Variants in VPS26B observed in about 807,000 individuals in gnomAD.
VPS26B encodes the protein vacuolar protein sorting-associated protein 26B.
In VPS26B, 10 loss-of-function variants were observed where a neutral mutation model predicts 33.3. The observed-to-expected ratio is 0.30, with a 90% CI of 0.19 to 0.51. The LOEUF is 0.51. Among genes scored for constraint, VPS26B ranks in the 20% least tolerant of loss-of-function variants. The probability of loss-of-function intolerance (pLI) is 0.98; values close to 1 mark genes in which losing one functional copy is unlikely to be tolerated. For synonymous variants in VPS26B, 190 were observed against 176.9 expected (o/e 1.07, Z -0.59); for missense variants, 317 against 452.7 (o/e 0.70, Z 2.72).
chr11:134,234,831 C>T (rs1019749260), intron 1 of VPS26B, 66 bp from the exon 2 acceptor site: 8 of 1,570,648 alleles, frequency 5.1e-6, no homozygotes, highest in Middle Eastern at 1.7e-4. Context: ...GCCTCCAGCC[C>T]CCTACTCGGC....
chr11:134,244,915 T>G lies in VPS26B; in HGVS notation c.722-23T>G. On this transcript the variant is annotated intron_variant, in intron 4 of 5. Coordinates refer to ENST00000281187, the MANE Select transcript of VPS26B (RefSeq NM_052875.5). The surrounding 1 kb of genome is among the most constrained non-coding windows in gnomAD (Gnocchi z 4.0). The stretch of plus-strand genomic sequence containing the variant: ...GAGGGCATCACCTTGCCCCCTGTGC[T>G]GACTCCTGCCCTCCCCCTACAGGAG... The G allele has an allele frequency of 3.1e-6, 5 of 1,608,750 alleles. No individual in the cohort carries two copies. The highest frequency in any genetic ancestry group is 4.2e-6 in the Non-Finnish European group (5 of 1,179,288).
intron 3 of VPS26B, among the ~76,000 whole-genome samples, chr11:134,241,906 CCAGAT>C (rs1938731749): frequency 6.6e-6 from 1 of 152,226 alleles, no homozygotes; most frequent in Non-Finnish European, 1.5e-5. Context: ...GGAGCTTGGA[CCAGAT>C]CAGTGGGTTT....
chr11:134,227,632 G>A (rs952706250), intron 1 of VPS26B, among the ~76,000 whole-genome samples: 1 of 152,132 alleles, frequency 6.6e-6, no homozygotes, highest in African/African-American at 2.4e-5. Flanking sequence ...GCTTCCACTA[G>A]TAACTCTTCC....
At chr11:134,239,333 T>C (rs1158612766) in intron 2 of VPS26B, among the ~76,000 whole-genome samples, 4 of 152,186 alleles carry the variant, frequency 2.6e-5, no homozygotes, top group Non-Finnish European at 5.9e-5. Flanking sequence ...TGTGTTCCCA[T>C]TTCTCTATTT....
intron 1 of VPS26B, among the ~76,000 whole-genome samples, chr11:134,225,886 C>T (rs1426753999): frequency 6.6e-6 from 1 of 152,166 alleles, no homozygotes; most frequent in Non-Finnish European, 1.5e-5. Context: ...CTTACCTCAC[C>T]TCAGCCCTGA....
intron 2 of VPS26B, chr11:134,235,791 C>G (rs1011618843): frequency 6.6e-6 from 1 of 152,026 alleles, no homozygotes; most frequent in African/African-American, 2.4e-5. Context: ...AGACTGATGC[C>G]AAGGTCTTTT....
At chr11:134,233,210 G>T (rs753943346) in intron 1 of VPS26B, among the ~76,000 whole-genome samples, 2 of 152,180 alleles carry the variant, frequency 1.3e-5, no homozygotes, top group Non-Finnish European at 2.9e-5. Context: ...TACAGAAGTG[G>T]CATCACTAGT....
intron 2 of VPS26B, 30 bp downstream of exon 2, chr11:134,235,083 AC>A (rs1164063187): frequency 6.2e-7 from 1 of 1,600,084 alleles, no homozygotes; most frequent in Non-Finnish European, 8.5e-7. Flanking sequence ...TCCCCACTGT[AC>A]CCTAGAACCT....
Position 134,240,200 on chromosome 11 carries a change from G to T in VPS26B, c.545+45G>T, listed in dbSNP as rs949950126. On this transcript the variant is annotated intron_variant, in intron 3 of 5. Coordinates refer to ENST00000281187, the MANE Select transcript of VPS26B (RefSeq NM_052875.5). The surrounding 1 kb of genome is among the most constrained non-coding windows in gnomAD (Gnocchi z 4.4). Reference sequence around the variant, plus strand: ...GGTTGTGAAATGATTATTTAAGGAGGTTAAGATGGGACTTGATGCAGATGC... The same window carrying T: ...GGTTGTGAAATGATTATTTAAGGAGTTTAAGATGGGACTTGATGCAGATGC... The T allele has an allele frequency of 6.2e-6, 10 of 1,601,262 alleles. No homozygotes were observed. In the African/African-American group the frequency reaches 9.4e-5, roughly 15 times the overall value.
Position 134,245,202 on chromosome 11 carries a change from A to G in VPS26B, c.864+122A>G. ...GGAACATTAGGTCGCCCACAATTGC[A>G]CAACAAGAATGAGGATTCTCACCTG... On this transcript the variant is annotated intron_variant, in intron 5 of 5. Coordinates refer to ENST00000281187, the MANE Select transcript of VPS26B (RefSeq NM_052875.5). The surrounding 1 kb of genome is among the most constrained non-coding windows in gnomAD (Gnocchi z 4.7). The G allele has an allele frequency of 7.1e-7, 1 of 1,409,878 alleles. No individual in the cohort carries two copies. The allele number at this position is 1,409,878 out of a possible 1,614,324, so 87.3% of individuals were successfully genotyped here.
At chr11:134,225,841 T>G (rs1216739180) in intron 1 of VPS26B, among the ~76,000 whole-genome samples, 1 of 152,144 alleles carries the variant, frequency 6.6e-6, no homozygotes, top group African/African-American at 2.4e-5. Flanking sequence ...CGTTTTTCTC[T>G]TTAGATGTGG....
chr11:134,225,737 A>C (rs776368706), intron 1 of VPS26B, among the ~76,000 whole-genome samples: 5 of 152,152 alleles, frequency 3.3e-5, no homozygotes, highest in Non-Finnish European at 7.4e-5. Flanking sequence ...CCGCTCTGCC[A>C]ATACTGGCTT....
Position 134,234,887 on chromosome 11 carries a change from C to T in VPS26B, c.224-10C>T. Reference sequence around the variant, plus strand: ...ATAAAGGAGGGCGTCGCATCGCTGTCTCTCACCAGAACTCTACTACGATCG... The same window carrying T: ...ATAAAGGAGGGCGTCGCATCGCTGTTTCTCACCAGAACTCTACTACGATCG... On this transcript the variant is annotated splice_polypyrimidine_tract_variant and intron_variant, in intron 1 of 5. Coordinates refer to ENST00000281187, the MANE Select transcript of VPS26B (RefSeq NM_052875.5). 1 of 1,612,996 alleles carries T rather than the reference C, an allele frequency of 6.2e-7. No individual in the cohort carries two copies. Among genetic ancestry groups the T allele is most frequent in the Non-Finnish European group, 8.5e-7 (1 of 1,179,246 alleles).
rs191051647 is a variant in VPS26B at position 134,237,620 on chromosome 11, A to G, written c.381-2371A>G. On this transcript the variant is annotated intron_variant, in intron 2 of 5. Coordinates refer to ENST00000281187, the MANE Select transcript of VPS26B (RefSeq NM_052875.5). ...AAGGGAGCACAAGGAGAGGAGAGCC[A>G]GGACCCACCAGGGCATGGCAGGAGG... Among the ~76,000 whole-genome samples, 551 of 152,342 alleles carry G rather than the reference A, an allele frequency of 3.6e-3. 7 individuals carry two copies. Among genetic ancestry groups the G allele is most frequent in the Non-Finnish European group, 6.1e-3 (413 of 68,032 alleles).
chr11:134,226,133 G>A (rs992501300), intron 1 of VPS26B, among the ~76,000 whole-genome samples: 1 of 152,180 alleles, frequency 6.6e-6, no homozygotes. Flanking sequence ...AGGCACAGTG[G>A]CTGATGCCTA....
chr11:134,239,839 A>ATAC (rs1167905201), intron 2 of VPS26B, 152 bp from the exon 3 acceptor site: 11 of 788,408 alleles, frequency 1.4e-5, no homozygotes, highest in Non-Finnish European at 2.3e-5. Flanking sequence ...CTTTCCCTGG[A>ATAC]AGAGGGTCTG....
At position 134,225,996 on chromosome 11, in the gene VPS26B, C is replaced by G. The variant is rs117663533; in HGVS notation, c.223+651C>G. On this transcript the variant is annotated intron_variant, in intron 1 of 5. Coordinates refer to ENST00000281187, the MANE Select transcript of VPS26B (RefSeq NM_052875.5). ...TTTCTTAGACTTCTTTATTAGAATGCAAGTTTTCAGTTACCACATTTTCTG... is the reference window on the plus strand; with the variant it reads ...TTTCTTAGACTTCTTTATTAGAATGGAAGTTTTCAGTTACCACATTTTCTG... Among the ~76,000 whole-genome samples, 17 of 152,314 alleles carry G rather than the reference C, an allele frequency of 1.1e-4. No individual in the cohort carries two copies. In the East Asian group the frequency reaches 3.3e-3, roughly 29 times the overall value.
At position 134,234,889 on chromosome 11, in the gene VPS26B, C is replaced by G. The variant is rs1413311777; in HGVS notation, c.224-8C>G. On this transcript the variant is annotated splice_region_variant and splice_polypyrimidine_tract_variant and intron_variant, in intron 1 of 5. Coordinates refer to ENST00000281187, the MANE Select transcript of VPS26B (RefSeq NM_052875.5). The stretch of plus-strand genomic sequence containing the variant: ...AAAGGAGGGCGTCGCATCGCTGTCT[C>G]TCACCAGAACTCTACTACGATCGCG... 1.2e-6 allele frequency: 2 copies of G among 1,612,928 alleles called. No individual in the cohort carries two copies. The highest frequency in any genetic ancestry group is 1.7e-6 in the Non-Finnish European group (2 of 1,179,244).
Position 134,244,931 on chromosome 11 carries a change from C to T in VPS26B, c.722-7C>T. The T allele has an allele frequency of 6.2e-7, 1 of 1,611,898 alleles. No homozygotes were observed. The highest frequency in any genetic ancestry group is 8.5e-7 in the Non-Finnish European group (1 of 1,179,832). ...CCCCTGTGCTGACTCCTGCCCTCCCCCTACAGGAGAGTCCATCCCGATCCG... is the reference window on the plus strand; with the variant it reads ...CCCCTGTGCTGACTCCTGCCCTCCCTCTACAGGAGAGTCCATCCCGATCCG... On this transcript the variant is annotated splice_region_variant and splice_polypyrimidine_tract_variant and intron_variant, in intron 4 of 5. Coordinates refer to ENST00000281187, the MANE Select transcript of VPS26B (RefSeq NM_052875.5). This position sits in a 1 kb window ranked among gnomAD's most constrained non-coding sequence, Gnocchi z 4.0.
Sources: gnomAD v4.1 joint callset for allele counts (sites outside exome capture counted in the v4.1 genomes callset) on GRCh38, gnomAD v4.1.1 for gene constraint, Gnocchi (gnomAD v3.1) non-coding constraint, MANE v1.5 for transcripts, NCBI Gene and HGNC (gene_info 2026-07-23, HGNC 2026-07-21) for gene names.